Variants in MKLN1 observed in about 807,000 individuals in gnomAD.
MKLN1 encodes the protein muskelin.
MKLN1 carries 18 observed loss-of-function variants against 99.0 expected under a neutral mutation model. That is an observed-to-expected ratio of 0.18 (90% CI 0.13 to 0.27). The LOEUF is 0.27. MKLN1 is among the 10% of genes least tolerant of loss of function. The probability of loss-of-function intolerance (pLI) is 1.00; values close to 1 mark genes in which losing one functional copy is unlikely to be tolerated. For synonymous variants in MKLN1, 288 were observed against 293.2 expected (o/e 0.98, Z 0.18); for missense variants, 621 against 875.9 (o/e 0.71, Z 3.67).
intron 3 of MKLN1, among the ~76,000 whole-genome samples, chr7:131,249,960 C>A (rs1370171706): frequency 1.3e-5 from 2 of 152,020 alleles, no homozygotes; most frequent in Non-Finnish European, 2.9e-5. Context: ...GGCAGGTCTG[C>A]CTTTTGAGGA....
chr7:131,187,503 G>A (rs1420071751), intron 2 of MKLN1, among the ~76,000 whole-genome samples: 1 of 152,208 alleles, frequency 6.6e-6, no homozygotes, highest in Non-Finnish European at 1.5e-5. Flanking sequence ...CTGGAATACA[G>A]CCATGCTCAT....
chr7:131,412,243 T>C (rs1171783938), intron 7 of MKLN1, among the ~76,000 whole-genome samples: 1 of 152,234 alleles, frequency 6.6e-6, no homozygotes, highest in Non-Finnish European at 1.5e-5. Flanking sequence ...TGGGCAGCTT[T>C]TACACAGAAT....
At chr7:131,172,936 G>T (rs1165587160) in intron 2 of MKLN1, among the ~76,000 whole-genome samples, 2 of 152,134 alleles carry the variant, frequency 1.3e-5, no homozygotes, top group Non-Finnish European at 2.9e-5. Flanking sequence ...CAGCATATGA[G>T]AAATGACTGA....
chr7:131,142,697 T>A, intron 1 of MKLN1: 1 of 308,260 alleles, frequency 3.2e-6, no homozygotes. Flanking sequence ...ATCGCCCCAC[T>A]GCACTCCAGC....
chr7:131,480,418 G>A (rs1422553417), intron 17 of MKLN1, among the ~76,000 whole-genome samples: 2 of 152,182 alleles, frequency 1.3e-5, no homozygotes, highest in Non-Finnish European at 2.9e-5. Context: ...TAATTCTGGT[G>A]CTTTTCACTG....
At chr7:131,358,060 C>T (rs1394324259) in intron 1 of MKLN1, among the ~76,000 whole-genome samples, 2 of 152,078 alleles carry the variant, frequency 1.3e-5, no homozygotes, top group Non-Finnish European at 2.9e-5. Context: ...TTTTTTTCCC[C>T]CGCTTATCTT....
intron 1 of MKLN1, among the ~76,000 whole-genome samples, chr7:131,115,768 CT>C (rs1795267564): frequency 1.3e-5 from 2 of 152,186 alleles, no homozygotes; most frequent in Admixed American, 1.3e-4. Context: ...ACCCTATATA[CT>C]TCCTTTTCCT....
intron 2 of MKLN1, among the ~76,000 whole-genome samples, chr7:131,158,862 G>A (rs1796006964): frequency 6.6e-6 from 1 of 152,166 alleles, no homozygotes; most frequent in South Asian, 2.1e-4. Context: ...GTCTGTGCTA[G>A]CCACTGTTTG....
chr7:131,114,646 C>G (rs1795247123), intron 1 of MKLN1, among the ~76,000 whole-genome samples: 1 of 152,060 alleles, frequency 6.6e-6, no homozygotes, highest in Non-Finnish European at 1.5e-5. Context: ...AGCTAGAAGT[C>G]AAGAAAAAGA....
chr7:131,208,971 G>A (rs1796859223), intron 3 of MKLN1, among the ~76,000 whole-genome samples: 1 of 152,208 alleles, frequency 6.6e-6, no homozygotes, highest in African/African-American at 2.4e-5. Context: ...TAGACTGGGT[G>A]GCTGTGGAAG....
chr7:131,177,195 C>T (rs914729550), intron 2 of MKLN1, among the ~76,000 whole-genome samples: 8 of 152,044 alleles, frequency 5.3e-5, no homozygotes, highest in Non-Finnish European at 8.8e-5. Flanking sequence ...TTGGGCAGGG[C>T]GCAGTGGCTC....
At chr7:131,328,251 C>T (rs1351592139) in intron 1 of MKLN1, 4 of 486,500 alleles carry the variant, frequency 8.2e-6, no homozygotes, top group Non-Finnish European at 1.5e-5. Flanking sequence ...ACAGGAGAAC[C>T]GGAAGCCCAG....
chr7:131,393,600 G>A (rs952552401), intron 4 of MKLN1, among the ~76,000 whole-genome samples: 1 of 151,636 alleles, frequency 6.6e-6, no homozygotes, highest in East Asian at 1.9e-4. Flanking sequence ...CACTGCAAGT[G>A]TTTTAAAAGG....
chr7:131,479,976 G>A (rs1336943682), intron 17 of MKLN1, among the ~76,000 whole-genome samples: 1 of 148,620 alleles, frequency 6.7e-6, no homozygotes, highest in Admixed American at 6.7e-5. Flanking sequence ...AGCCAAGATC[G>A]TGCCATTGCA....
intron 2 of MKLN1, among the ~76,000 whole-genome samples, chr7:131,185,566 A>C (rs1796437871): frequency 6.6e-6 from 1 of 152,088 alleles, no homozygotes; most frequent in Admixed American, 6.6e-5. Context: ...CGACAGAGCA[A>C]GATTCCATCT....
At chr7:131,180,001 C>T (rs1796356596) in intron 2 of MKLN1, among the ~76,000 whole-genome samples, 1 of 152,198 alleles carries the variant, frequency 6.6e-6, no homozygotes, top group South Asian at 2.1e-4. Context: ...AAGTAATCCT[C>T]CTGCCTCAAC....
intron 7 of MKLN1, among the ~76,000 whole-genome samples, chr7:131,412,458 G>A (rs1014786508): frequency 2.0e-5 from 3 of 152,180 alleles, no homozygotes; most frequent in Admixed American, 6.5e-5. Context: ...TGTAATAATT[G>A]TAATAAAAAT....
chr7:131,329,008 G>A (rs1255492197), intron 1 of MKLN1, among the ~76,000 whole-genome samples: 1 of 152,200 alleles, frequency 6.6e-6, no homozygotes, highest in South Asian at 2.1e-4. Context: ...AAAAGTGCTA[G>A]TTGTCCCTCT....
chr7:131,173,977 T>TC (rs1796255622), intron 2 of MKLN1, among the ~76,000 whole-genome samples: 1 of 145,452 alleles, frequency 6.9e-6, no homozygotes, highest in Admixed American at 6.8e-5. Flanking sequence ...TCTTTTTCTT[T>TC]TTTTTTTTTT....
Sources: allele counts gnomAD v4.1 joint callset (sites outside exome capture counted in the v4.1 genomes callset), GRCh38; gene constraint gnomAD v4.1.1; transcripts MANE v1.5; gene names NCBI Gene and HGNC (gene_info 2026-07-23, HGNC 2026-07-21).